The following MTSS1 variants were observed in gnomAD, a reference collection of about 807,000 sequenced individuals.
MTSS1 encodes MTSS I-BAR domain containing 1, also known as protein MTSS 1.
MTSS1 carries 18 observed loss-of-function variants against 79.0 expected under a neutral mutation model. The ratio of observed to expected loss-of-function variants is 0.23; its 90% confidence interval spans 0.16 to 0.34. The LOEUF (loss-of-function observed/expected upper bound fraction) is 0.34. MTSS1 is among the 10% of genes least tolerant of loss of function. The pLI, the probability that MTSS1 is intolerant of heterozygous loss-of-function variation, is 1.00. For missense variants in MTSS1, 815 were observed against 986.2 expected, an observed-to-expected ratio of 0.83 and a Z score of 2.33; for synonymous variants, 341 against 368.6, an observed-to-expected ratio of 0.93 and a Z score of 0.86.
chr8:124,660,432 GCACACACACACACACACACACACA>G (rs5894719), intron 3 of MTSS1, among the ~76,000 whole-genome samples: 163 of 140,798 alleles, frequency 1.2e-3, no homozygotes, highest in African/African-American at 4.2e-3. Flanking sequence ...CCATGCGCAT[GCACACACACACACACACACACACA>G]CACACACACA....
At position 124,573,267 on chromosome 8, in the gene MTSS1, C is replaced by G. The variant is rs146040256; in HGVS notation, c.461-4731G>C. ...CCTTCCCATCTTCACTCTGCTGTCC[C>G]TCTGCTACATTCCTAACACCTTTTA... On this transcript the variant is annotated intron_variant, in intron 6 of 13. Coordinates refer to ENST00000518547, the MANE Select transcript of MTSS1 (RefSeq NM_014751.6). 4.3e-3 allele frequency among the ~76,000 whole-genome samples: 653 copies of G among 152,382 alleles called. 8 individuals are homozygous for G. Among genetic ancestry groups the G allele is most frequent in the African/African-American group, 0.015 (625 of 41,590 alleles).
rs1375018254 is a variant in MTSS1, at chr8:124,728,128, T to C, written c.-173A>G. On this transcript the variant is annotated 5_prime_UTR_variant, in exon 1 of 14. Coordinates refer to ENST00000518547, the MANE Select transcript of MTSS1 (RefSeq NM_014751.6). This position sits in a 1 kb window ranked among gnomAD's most constrained non-coding sequence, Gnocchi z 6.1. ...CAGACCGACTGTTCTCTGCCCAAAA[T>C]AATAACAGTAATTTAAAAAGCCAAA... 5.6e-6 allele frequency: 3 copies of C among 535,936 alleles called. No homozygotes were observed. Among genetic ancestry groups the C allele is most frequent in the Non-Finnish European group, 9.8e-6 (3 of 305,738 alleles). 33.2% of individuals were successfully genotyped at this position (535,936 alleles called of 1,614,324 possible). A position where few individuals can be genotyped will look rare whatever the true frequency, so the allele number is the denominator to read the frequency against.
intron 1 of MTSS1, among the ~76,000 whole-genome samples, chr8:124,724,297 G>A (rs1833364682): frequency 6.6e-6 from 1 of 152,132 alleles, no homozygotes; most frequent in African/African-American, 2.4e-5. Context: ...CTAATTTTAG[G>A]CAGAACTTAG....
chr8:124,705,317 A>G (rs1286533757), intron 1 of MTSS1, among the ~76,000 whole-genome samples: 1 of 152,042 alleles, frequency 6.6e-6, no homozygotes, highest in Non-Finnish European at 1.5e-5. Flanking sequence ...CTAAAAATAC[A>G]AAAATTAGCC....
Position 124,676,998 on chromosome 8 carries a change from T to C in MTSS1, c.208+22528A>G, listed in dbSNP as rs1296968675. ...CCATGTGATGCAAAAAATAACAAAA[T>C]TGGACTATTGAGAATTTTAAAGGCA... On this transcript the variant is annotated intron_variant, in intron 3 of 13. Transcript: ENST00000518547. 2.6e-5 allele frequency among the ~76,000 whole-genome samples: 4 copies of C among 152,010 alleles called. No homozygotes were observed. In the South Asian group the frequency reaches 6.2e-4, roughly 24 times the overall value.
chr8:124,699,329 C>T, intron 3 of MTSS1, 197 bp downstream of exon 3: 1 of 569,568 alleles, frequency 1.8e-6, no homozygotes, highest in Non-Finnish European at 3.1e-6. Flanking sequence ...TTTCATTCTT[C>T]TTCACATGTG....
At chr8:124,590,211 C>T (rs930932643) in intron 4 of MTSS1, among the ~76,000 whole-genome samples, 3 of 152,172 alleles carry the variant, frequency 2.0e-5, no homozygotes, top group Non-Finnish European at 4.4e-5. Context: ...GTGGGAGTGA[C>T]CCTTCTTCCC....
intron 1 of MTSS1, among the ~76,000 whole-genome samples, chr8:124,715,938 A>T (rs551824543): frequency 7.9e-5 from 12 of 152,332 alleles, no homozygotes; most frequent in Admixed American, 5.9e-4. Flanking sequence ...TGATGGTTGT[A>T]GGATGATGGG....
chr8:124,572,175 T>C (rs577851393), intron 6 of MTSS1, among the ~76,000 whole-genome samples: 1 of 152,272 alleles, frequency 6.6e-6, no homozygotes, highest in African/African-American at 2.4e-5. Context: ...ATTTAAGTTA[T>C]CCTATGATTA....
chr8:124,651,966 C>T (rs1207505586), intron 3 of MTSS1, among the ~76,000 whole-genome samples: 1 of 152,148 alleles, frequency 6.6e-6, no homozygotes, highest in African/African-American at 2.4e-5. Flanking sequence ...TTTCTTCTCC[C>T]TAAAGGATTT....
At chr8:124,578,598 C>G (rs934793264) in intron 6 of MTSS1, among the ~76,000 whole-genome samples, 1 of 150,664 alleles carries the variant, frequency 6.6e-6, no homozygotes, top group African/African-American at 2.4e-5. Context: ...AGTTCAAGAC[C>G]ATCCTGCCTA....
chr8:124,622,336 G>A (rs1317190204), intron 3 of MTSS1, among the ~76,000 whole-genome samples: 2 of 151,848 alleles, frequency 1.3e-5, no homozygotes, highest in African/African-American at 2.4e-5. Flanking sequence ...AGGAGGAAAC[G>A]GGAGATGTAG....
intron 2 of MTSS1, among the ~76,000 whole-genome samples, chr8:124,700,093 C>T (rs1028400230): frequency 4.0e-5 from 6 of 151,360 alleles, no homozygotes; most frequent in Non-Finnish European, 8.8e-5. Flanking sequence ...GAGCCAAGAT[C>T]GCACCACTGC....
intron 3 of MTSS1, among the ~76,000 whole-genome samples, chr8:124,618,961 C>T (rs897698739): frequency 4.6e-5 from 7 of 152,210 alleles, no homozygotes; most frequent in African/African-American, 1.7e-4. Context: ...ATGATTTGGA[C>T]AGATGTTTAC....
intron 3 of MTSS1, among the ~76,000 whole-genome samples, chr8:124,671,317 C>G (rs1039369234): frequency 1.3e-5 from 2 of 152,168 alleles, no homozygotes; most frequent in African/African-American, 4.8e-5. Context: ...ACTCCAGAGA[C>G]CTGTCTCCTC....
chr8:124,676,212 T>C (rs1825261489), intron 3 of MTSS1, among the ~76,000 whole-genome samples: 1 of 152,232 alleles, frequency 6.6e-6, no homozygotes, highest in Non-Finnish European at 1.5e-5. Flanking sequence ...ACTCAGAATG[T>C]GTAACAGGAC....
intron 3 of MTSS1, among the ~76,000 whole-genome samples, chr8:124,693,968 G>T (rs79498627): frequency 0.029 from 4,375 of 152,246 alleles, 111 homozygotes; most frequent in Non-Finnish European, 0.046. Context: ...GAAGCCCAGA[G>T]AAGGGAAATA....
intron 1 of MTSS1, among the ~76,000 whole-genome samples, chr8:124,726,443 G>A (rs1833707113): frequency 6.6e-6 from 1 of 152,216 alleles, no homozygotes; most frequent in South Asian, 2.1e-4. Flanking sequence ...CCAAGTGCCT[G>A]GACTATAAGC....
intron 1 of MTSS1, among the ~76,000 whole-genome samples, chr8:124,710,722 C>T (rs1349647356): frequency 1.3e-5 from 2 of 152,174 alleles, no homozygotes; most frequent in Non-Finnish European, 2.9e-5. Flanking sequence ...GTGACCGGTG[C>T]TCCATAAATA....
Sources: gnomAD v4.1 joint callset for allele counts (sites outside exome capture counted in the v4.1 genomes callset) on GRCh38, gnomAD v4.1.1 for gene constraint, Gnocchi (gnomAD v3.1) non-coding constraint, MANE v1.5 for transcripts, NCBI Gene and HGNC (gene_info 2026-07-23, HGNC 2026-07-21) for gene names.